Variants in ZNF804A observed in about 807,000 individuals in gnomAD.
ZNF804A encodes zinc finger protein 804A.
In ZNF804A, 2 loss-of-function variants were observed where a neutral mutation model predicts 16.5. The ratio of observed to expected loss-of-function variants is 0.12; its 90% confidence interval spans 0.05 to 0.38. The LOEUF is 0.38. Ranked by LOEUF, ZNF804A falls within the 10% of genes least tolerant of loss-of-function variation. The pLI, the probability that ZNF804A is intolerant of heterozygous loss-of-function variation, is 0.99. For missense variants in ZNF804A, 1,473 were observed against 1,390.7 expected (o/e 1.06, Z -0.94); for synonymous variants, 534 against 489.6 (o/e 1.09, Z -1.20).
At chr2:184,713,521 G>A (rs1298495147) in intron 1 of ZNF804A, among the ~76,000 whole-genome samples, 1 of 151,814 alleles carries the variant, frequency 6.6e-6, no homozygotes, top group Non-Finnish European at 1.5e-5. Flanking sequence ...AATGATACTT[G>A]TCTACATAGT....
At chr2:184,777,501 ACTTCTAT>A (rs1314256012) in intron 1 of ZNF804A, among the ~76,000 whole-genome samples, 1 of 151,344 alleles carries the variant, frequency 6.6e-6, no homozygotes, top group Non-Finnish European at 1.5e-5. Flanking sequence ...CATTCCCTTC[ACTTCTAT>A]CTTTACCTCA....
intron 1 of ZNF804A, among the ~76,000 whole-genome samples, chr2:184,787,638 C>G (rs1402074779): frequency 1.3e-5 from 2 of 151,828 alleles, no homozygotes; most frequent in East Asian, 3.9e-4. Flanking sequence ...GTTTCGTTGG[C>G]CACTTGTATT....
intron 1 of ZNF804A, among the ~76,000 whole-genome samples, chr2:184,707,511 G>T (rs544240798): frequency 1.3e-5 from 2 of 152,078 alleles, no homozygotes; most frequent in African/African-American, 2.4e-5. Context: ...CCAATGTTTA[G>T]CTCCCACTTA....
At chr2:184,724,763 G>A (rs905130031) in intron 1 of ZNF804A, among the ~76,000 whole-genome samples, 3 of 151,708 alleles carry the variant, frequency 2.0e-5, no homozygotes, top group South Asian at 2.1e-4. Context: ...AAAGCAGCAC[G>A]GGAAATGTAT....
intron 1 of ZNF804A, among the ~76,000 whole-genome samples, chr2:184,683,294 T>C (rs555497924): frequency 5.3e-5 from 8 of 152,336 alleles, no homozygotes; most frequent in East Asian, 1.9e-4. Context: ...ATATACACTT[T>C]TTTTTCTGTA....
At chr2:184,810,592 G>A (rs566237977) in intron 1 of ZNF804A, among the ~76,000 whole-genome samples, 25 of 143,460 alleles carry the variant, frequency 1.7e-4, no homozygotes, top group African/African-American at 5.4e-4. Context: ...CCAGGTTCAC[G>A]CCATTCTCCT....
intron 1 of ZNF804A, among the ~76,000 whole-genome samples, chr2:184,835,967 A>C (rs915801353): frequency 2.0e-5 from 3 of 152,132 alleles, no homozygotes; most frequent in Non-Finnish European, 4.4e-5. Context: ...AGAAGTTTTA[A>C]AGTGAAAAAG....
At chr2:184,876,079 C>T (rs1038008985) in intron 2 of ZNF804A, among the ~76,000 whole-genome samples, 4 of 152,206 alleles carry the variant, frequency 2.6e-5, no homozygotes, top group African/African-American at 9.7e-5. Context: ...GTCAAGATTC[C>T]TTGCTTTGCA....
chr2:184,907,908 AT>A (rs1322759534), intron 2 of ZNF804A, among the ~76,000 whole-genome samples: 9 of 152,128 alleles, frequency 5.9e-5, no homozygotes, highest in Admixed American at 4.6e-4. Flanking sequence ...TTATAATGTA[AT>A]TTATAAAATC....
intron 1 of ZNF804A, among the ~76,000 whole-genome samples, chr2:184,786,976 T>C (rs1017025531): frequency 1.3e-5 from 2 of 151,938 alleles, no homozygotes; most frequent in African/African-American, 4.8e-5. Flanking sequence ...AATATACTTT[T>C]TTTTTATTCA....
intron 1 of ZNF804A, among the ~76,000 whole-genome samples, chr2:184,711,309 G>A (rs887198258): frequency 6.6e-6 from 1 of 151,580 alleles, no homozygotes; most frequent in African/African-American, 2.4e-5. Flanking sequence ...TATTACTTTG[G>A]AGAACTGTTT....
chr2:184,856,953 T>C lies in ZNF804A; in HGVS notation c.112-9416T>C, dbSNP rs79801500. On this transcript the variant is annotated intron_variant, in intron 1 of 3. Coordinates refer to ENST00000302277, the MANE Select transcript of ZNF804A (RefSeq NM_194250.2). ...CTTGGTAGATTATGTATGTTTATTGTTTTTCTAGTCTTTCTCTCATTTGAT... is the reference window on the plus strand; with the variant it reads ...CTTGGTAGATTATGTATGTTTATTGCTTTTCTAGTCTTTCTCTCATTTGAT... 7.6e-3 allele frequency among the ~76,000 whole-genome samples: 1,150 copies of C among 152,240 alleles called. 17 individuals carry two copies. Among genetic ancestry groups the C allele is most frequent in the African/African-American group, 0.026 (1,093 of 41,576 alleles).
chr2:184,782,318 G>A (rs1558960052), intron 1 of ZNF804A, among the ~76,000 whole-genome samples: 1 of 151,560 alleles, frequency 6.6e-6, no homozygotes, highest in Non-Finnish European at 1.5e-5. Flanking sequence ...GTCTACGAAG[G>A]TGTTGCCAAA....
At position 184,938,384 on chromosome 2, in the gene ZNF804A, A is replaced by C. The variant is rs766272024; in HGVS notation, c.2988A>C (p.Ser996=). 1.9e-6 allele frequency: 3 copies of C among 1,614,154 alleles called. No homozygotes were observed. The East Asian group carries it at 6.7e-5, about 36-fold the overall frequency. Residue 996 remains serine (S), a synonymous_variant, in exon 4 of 4, where the codon TCA becomes TCC. Coordinates refer to ENST00000302277, the MANE Select transcript of ZNF804A (RefSeq NM_194250.2). ...CAACTGAGTGGCTGCGTTATAATTC[A>C]GGAATCCTTAACACACAACCACCAT... is the stretch of plus-strand genomic sequence containing the variant. ...ETPTEWLRYN[S]GILNTQPPLP...
chr2:184,858,072 A>C (rs887538554), intron 1 of ZNF804A, among the ~76,000 whole-genome samples: 1 of 151,994 alleles, frequency 6.6e-6, no homozygotes, highest in Non-Finnish European at 1.5e-5. Context: ...ATTGTGATGA[A>C]GTACTATTTT....
At chr2:184,665,892 A>T (rs1692247173) in intron 1 of ZNF804A, among the ~76,000 whole-genome samples, 1 of 152,032 alleles carries the variant, frequency 6.6e-6, no homozygotes, top group Non-Finnish European at 1.5e-5. Context: ...CCTCTATCAC[A>T]TCCCTCTGGA....
intron 1 of ZNF804A, among the ~76,000 whole-genome samples, chr2:184,612,736 T>C (rs1691258360): frequency 6.6e-6 from 1 of 152,174 alleles, no homozygotes; most frequent in Non-Finnish European, 1.5e-5. Flanking sequence ...AAGTAGTTGA[T>C]GTTATGATAC....
At position 184,865,950 on chromosome 2, in the gene ZNF804A, C is replaced by G. The variant is rs939880412; in HGVS notation, c.112-419C>G. ...AAAATACAAAACTTGTATATTTGTG[C>G]ACAAATATAGACCTTTTCAAACAGA... On this transcript the variant is annotated intron_variant, in intron 1 of 3. Coordinates refer to ENST00000302277, the MANE Select transcript of ZNF804A (RefSeq NM_194250.2). 2.2e-4 allele frequency among the ~76,000 whole-genome samples: 34 copies of G among 151,938 alleles called. 1 individual carries two copies. The highest frequency in any genetic ancestry group is 8.0e-4 in the African/African-American group (33 of 41,372).
intron 2 of ZNF804A, among the ~76,000 whole-genome samples, chr2:184,927,405 C>T (rs1685628189): frequency 2.0e-5 from 3 of 152,234 alleles, no homozygotes; most frequent in Non-Finnish European, 2.9e-5. Context: ...GTGTCATAAA[C>T]ACCCCTGTGG....
Sources: gnomAD v4.1 joint callset for allele counts (sites outside exome capture counted in the v4.1 genomes callset) on GRCh38, gnomAD v4.1.1 for gene constraint, MANE v1.5 for transcripts, NCBI Gene and HGNC (gene_info 2026-07-23, HGNC 2026-07-21) for gene names.